The following SORCS1 variants were observed in gnomAD, a reference collection of about 807,000 sequenced individuals.
SORCS1 encodes the protein sortilin related VPS10 domain containing receptor 1.
Under a neutral mutation model 146.1 loss-of-function variants are expected in SORCS1, and 60 were observed. That is an observed-to-expected ratio of 0.41 (90% CI 0.33 to 0.51). The LOEUF is 0.51. Ranked by LOEUF, SORCS1 falls within the 20% of genes least tolerant of loss-of-function variation. The pLI is 0.21. For synonymous variants in SORCS1, 637 were observed against 584.0 expected, an observed-to-expected ratio of 1.09 and a Z score of -1.31; for missense variants, 1,352 against 1,487.6, an observed-to-expected ratio of 0.91 and a Z score of 1.50.
intron 3 of SORCS1, among the ~76,000 whole-genome samples, chr10:106,820,658 G>A (rs1261550531): frequency 6.6e-6 from 1 of 152,184 alleles, no homozygotes; most frequent in Non-Finnish European, 1.5e-5. Context: ...ACATTGGAGT[G>A]AAACATCTCC....
chr10:106,955,915 G>A (rs2138982624), intron 2 of SORCS1, among the ~76,000 whole-genome samples: 1 of 152,088 alleles, frequency 6.6e-6, no homozygotes, highest in South Asian at 2.1e-4. Flanking sequence ...ATCACCTGAG[G>A]TTGGAAGTTC....
intron 2 of SORCS1, among the ~76,000 whole-genome samples, chr10:106,905,994 C>T (rs1951893159): frequency 6.6e-6 from 1 of 152,082 alleles, no homozygotes; most frequent in African/African-American, 2.4e-5. Context: ...ATCTCATCTA[C>T]CTCACATCAA....
At chr10:106,677,085 C>T (rs1487624958) in intron 13 of SORCS1, among the ~76,000 whole-genome samples, 1 of 152,112 alleles carries the variant, frequency 6.6e-6, no homozygotes, top group African/African-American at 2.4e-5. Context: ...GACTGATTGC[C>T]CATATCCTTG....
chr10:106,799,168 G>A (rs1214858177), intron 3 of SORCS1, among the ~76,000 whole-genome samples: 1 of 152,156 alleles, frequency 6.6e-6, no homozygotes, highest in Non-Finnish European at 1.5e-5. Flanking sequence ...GGGAAAACTG[G>A]CTAGCCATAT....
At chr10:106,904,695 T>G (rs950512320) in intron 2 of SORCS1, among the ~76,000 whole-genome samples, 3 of 152,188 alleles carry the variant, frequency 2.0e-5, no homozygotes, top group African/African-American at 7.2e-5. Flanking sequence ...TATGCCATGT[T>G]TAGAAAAATC....
At chr10:106,621,602 G>A (rs534028652) in intron 19 of SORCS1, among the ~76,000 whole-genome samples, 2 of 151,680 alleles carry the variant, frequency 1.3e-5, no homozygotes, top group African/African-American at 4.8e-5. Flanking sequence ...ACTCCTTCTG[G>A]GGGGGTCTAG....
chr10:106,848,541 C>T (rs1949405505), intron 2 of SORCS1, among the ~76,000 whole-genome samples: 3 of 28,474 alleles, frequency 1.1e-4, no homozygotes, highest in Admixed American at 9.3e-4. Flanking sequence ...CTTTATCCAA[C>T]TTGCCAGTCT....
Position 106,660,597 on chromosome 10 carries a change from T to C in SORCS1, c.2303+7092A>G, listed in dbSNP as rs186972728. ...ATTTTTTCTTGGACCCACTGTATAT[T>C]TGTAAATAGATACCTAACTTAAACT... On this transcript the variant is annotated intron_variant, in intron 17 of 25. Transcript: ENST00000263054. 7.9e-4 allele frequency among the ~76,000 whole-genome samples: 120 copies of C among 152,330 alleles called. 1 individual carries two copies. Among genetic ancestry groups the C allele is most frequent in the Middle Eastern group, 3.4e-3 (1 of 294 alleles).
intron 22 of SORCS1, among the ~76,000 whole-genome samples, chr10:106,608,860 C>T (rs974409083): frequency 6.6e-6 from 1 of 152,320 alleles, no homozygotes; most frequent in East Asian, 1.9e-4. Context: ...CGAGGGGAGA[C>T]AGAATGGCCC....
At chr10:106,966,025 T>C (rs1271140109) in intron 1 of SORCS1, among the ~76,000 whole-genome samples, 1 of 152,250 alleles carries the variant, frequency 6.6e-6, no homozygotes, top group African/African-American at 2.4e-5. Flanking sequence ...CTTCAGGAAC[T>C]GATCCTTCCA....
chr10:106,835,728 G>A (rs780714008), intron 2 of SORCS1, among the ~76,000 whole-genome samples: 2 of 152,088 alleles, frequency 1.3e-5, no homozygotes, highest in Non-Finnish European at 1.5e-5. Context: ...AACAGAAGCC[G>A]GGTGTGATGG....
chr10:106,980,865 T>C (rs183594419), intron 1 of SORCS1, among the ~76,000 whole-genome samples: 27 of 152,346 alleles, frequency 1.8e-4, no homozygotes, highest in Non-Finnish European at 2.9e-5. Flanking sequence ...TGGAGAATTA[T>C]AACTGTTAAC....
At chr10:106,710,939 A>C (rs1854936226) in intron 6 of SORCS1, among the ~76,000 whole-genome samples, 1 of 152,218 alleles carries the variant, frequency 6.6e-6, no homozygotes, top group Non-Finnish European at 1.5e-5. Context: ...CAGCTAGCTC[A>C]CTGTTACATC....
At chr10:107,129,738 C>T (rs1966848918) in intron 1 of SORCS1, among the ~76,000 whole-genome samples, 1 of 152,212 alleles carries the variant, frequency 6.6e-6, no homozygotes, top group Non-Finnish European at 1.5e-5. Flanking sequence ...TCTAATTCTC[C>T]TTTCTCAGTG....
At chr10:107,067,651 T>G (rs924332692) in intron 1 of SORCS1, among the ~76,000 whole-genome samples, 3 of 152,328 alleles carry the variant, frequency 2.0e-5, no homozygotes, top group Non-Finnish European at 4.4e-5. Flanking sequence ...AATTTATCAT[T>G]AAGAGAGGCA....
rs1851274053 is a variant in SORCS1, at chr10:106,667,752, CA to C, written c.2239del (p.Trp747GlyfsTer35). 6.2e-7 allele frequency: 1 copy of C among 1,614,090 alleles called. No homozygotes were observed. The highest frequency in any genetic ancestry group is 8.5e-7 in the Non-Finnish European group (1 of 1,179,998). ...CTTTGACAGAGAGGATGGATTGAAC[CA>C]AAATGCCGGCAGGCACTGGCCATTG... ...HSNGQCLPAF[W>X]FNPSSLSKDC... is the part of the protein sequence containing the mutation. On this transcript the variant is annotated frameshift_variant, in exon 17 of 26. Coordinates refer to ENST00000263054, the MANE Select transcript of SORCS1 (RefSeq NM_052918.5). LOFTEE classifies it high-confidence loss of function.
chr10:106,804,955 T>C (rs755237900), intron 3 of SORCS1, among the ~76,000 whole-genome samples: 3 of 152,106 alleles, frequency 2.0e-5, no homozygotes, highest in Non-Finnish European at 4.4e-5. Flanking sequence ...AGAATGACCA[T>C]TCACTGATGC....
chr10:106,820,695 G>A (rs1312904636), intron 3 of SORCS1, among the ~76,000 whole-genome samples: 1 of 152,228 alleles, frequency 6.6e-6, no homozygotes, highest in Admixed American at 6.5e-5. Context: ...CAAATTTCCT[G>A]TAGCGGACAG....
chr10:106,708,236 T>A (rs948956437), intron 7 of SORCS1, among the ~76,000 whole-genome samples: 3 of 147,564 alleles, frequency 2.0e-5, no homozygotes, highest in African/African-American at 8.0e-5. Flanking sequence ...CCCTGAAGAA[T>A]AAAGAAATGG....
Sources: gnomAD v4.1 joint callset for allele counts (sites outside exome capture counted in the v4.1 genomes callset) on GRCh38, gnomAD v4.1.1 for gene constraint, MANE v1.5 for transcripts, NCBI Gene and HGNC (gene_info 2026-07-23, HGNC 2026-07-21) for gene names.